ESRRG: variants seen among roughly 807,000 people sequenced by gnomAD.
ESRRG encodes the protein estrogen-related receptor gamma.
Under a neutral mutation model 44.0 loss-of-function variants are expected in ESRRG, and 13 were observed. That is an observed-to-expected ratio of 0.30 (90% CI 0.19 to 0.47). The LOEUF (loss-of-function observed/expected upper bound fraction) is 0.47, where lower values mean the gene tolerates loss of function less well. ESRRG is among the 20% of genes least tolerant of loss of function. The pLI, the probability that ESRRG is intolerant of heterozygous loss-of-function variation, is 1.00. For synonymous variants in ESRRG, 215 were observed against 214.6 expected, an observed-to-expected ratio of 1.00 and a Z score of -0.02; for missense variants, 395 against 580.6, an observed-to-expected ratio of 0.68 and a Z score of 3.29.
At chr1:217,072,145 G>C (rs2090641163) in intron 1 of ESRRG, among the ~76,000 whole-genome samples, 1 of 152,154 alleles carries the variant, frequency 6.6e-6, no homozygotes, top group African/African-American at 2.4e-5. Context: ...CTAAAGCTCT[G>C]GAATTACTCA....
At chr1:216,543,740 C>T (rs979236523) in intron 5 of ESRRG, among the ~76,000 whole-genome samples, 5 of 151,996 alleles carry the variant, frequency 3.3e-5, no homozygotes, top group African/African-American at 1.2e-4. Context: ...CAGTATTCTA[C>T]ACTTTGCAGG....
chr1:216,852,647 G>A lies in ESRRG; in HGVS notation c.-14+86935C>T, dbSNP rs944207220. ...TATATGTTAAGTTTCACTGAATTTTGAATAAAATTTGATTTATAGGATGCT... is the reference window on the plus strand; with the variant it reads ...TATATGTTAAGTTTCACTGAATTTTAAATAAAATTTGATTTATAGGATGCT... On this transcript the variant is annotated intron_variant, in intron 2 of 7. Transcript: ENST00000359162. 2.6e-5 allele frequency among the ~76,000 whole-genome samples: 4 copies of A among 152,116 alleles called. No individual in the cohort carries two copies. In the South Asian group the frequency reaches 8.3e-4, roughly 31 times the overall value.
At chr1:217,034,617 T>A (rs778002669) in intron 1 of ESRRG, among the ~76,000 whole-genome samples, 6 of 152,160 alleles carry the variant, frequency 3.9e-5, no homozygotes, top group South Asian at 2.1e-4. Flanking sequence ...CTGCTTCCCA[T>A]GAGACAAAAG....
At chr1:216,667,359 G>A (rs1575026081) in intron 2 of ESRRG, among the ~76,000 whole-genome samples, 1 of 152,054 alleles carries the variant, frequency 6.6e-6, no homozygotes, top group East Asian at 1.9e-4. Flanking sequence ...TATGTAACAG[G>A]TACTTTATAA....
chr1:216,681,573 C>T (rs946463), intron 1 of ESRRG, among the ~76,000 whole-genome samples: 151,221 of 152,288 alleles, frequency 0.99, 75,086 homozygotes, highest in Middle Eastern at 1. Context: ...GTTTGAGATA[C>T]AGCATCAAAT....
rs969445434 is a variant in ESRRG, at chr1:217,020,720, G to A, written c.-106+68787C>T. ...TATAAGGTGCTGTTGAAAAATCTAC[G>A]GATAAGCATCTTAAATCATGGTAAA... On this transcript the variant is annotated intron_variant, in intron 1 of 7. Transcript: ENST00000359162. Among the ~76,000 whole-genome samples, 66 of 152,192 alleles carry A rather than the reference G, an allele frequency of 4.3e-4. 1 individual carries two copies. The highest frequency in any genetic ancestry group is 6.8e-3 in the Middle Eastern group (2 of 292).
At chr1:216,798,282 C>A (rs941033133) in intron 2 of ESRRG, among the ~76,000 whole-genome samples, 1 of 152,074 alleles carries the variant, frequency 6.6e-6, no homozygotes, top group Non-Finnish European at 1.5e-5. Flanking sequence ...GTAATAGTGC[C>A]ATCCAATTTA....
At chr1:216,719,530 A>G (rs982805309) in intron 1 of ESRRG, among the ~76,000 whole-genome samples, 5 of 151,960 alleles carry the variant, frequency 3.3e-5, no homozygotes, top group African/African-American at 1.2e-4. Flanking sequence ...TTCTTTTTTC[A>G]CTTTAAAAAG....
chr1:216,986,598 A>T (rs2074915694), intron 1 of ESRRG, among the ~76,000 whole-genome samples: 1 of 151,238 alleles, frequency 6.6e-6, no homozygotes, highest in East Asian at 2.0e-4. Flanking sequence ...GTGGCGGGGC[A>T]TGGCTGTGGT....
At chr1:216,622,609 T>TATACACACAC (rs147309378) in intron 3 of ESRRG, among the ~76,000 whole-genome samples, 22,580 of 150,780 alleles carry the variant, frequency 0.15, 1,836 homozygotes, top group Middle Eastern at 0.25. Flanking sequence ...AAATGAAAAT[T>TATACACACAC]ACACACACGC....
chr1:216,692,473 T>C (rs1422512268), intron 1 of ESRRG, among the ~76,000 whole-genome samples: 4 of 152,204 alleles, frequency 2.6e-5, no homozygotes, highest in African/African-American at 7.2e-5. Flanking sequence ...CTAAGTGTTA[T>C]GATAAAAAGA....
Position 216,761,622 on chromosome 1 carries a change from A to G in ESRRG, c.-13-84131T>C, listed in dbSNP as rs1047428208. 3.3e-5 allele frequency among the ~76,000 whole-genome samples: 5 copies of G among 152,178 alleles called. No individual in the cohort carries two copies. In the East Asian group the frequency reaches 7.7e-4, roughly 24 times the overall value. On this transcript the variant is annotated intron_variant, in intron 2 of 7. Transcript: ENST00000359162. ...AAGAATACAACAATTAAAAACAGTA[A>G]TAACAGCAACAAGGCAATACTTTGA...
chr1:216,891,306 CG>C (rs557717115), intron 2 of ESRRG, among the ~76,000 whole-genome samples: 34 of 152,218 alleles, frequency 2.2e-4, no homozygotes, highest in African/African-American at 8.2e-4. Context: ...TTTAGTAAAA[CG>C]GTGAAGCTTA....
intron 1 of ESRRG, among the ~76,000 whole-genome samples, chr1:217,019,882 T>G (rs1169367367): frequency 6.6e-6 from 1 of 152,216 alleles, no homozygotes; most frequent in African/African-American, 2.4e-5. Context: ...TTCAAAAATC[T>G]CTTTCTACAT....
At chr1:216,891,776 C>T (rs895158464) in intron 2 of ESRRG, among the ~76,000 whole-genome samples, 11 of 147,562 alleles carry the variant, frequency 7.5e-5, no homozygotes, top group Admixed American at 3.4e-4. Context: ...AACAAATATA[C>T]TCTTAGTGTG....
Position 216,677,494 on chromosome 1 carries a change from G to A in ESRRG, c.57-3C>T, listed in dbSNP as rs771890343. On this transcript the variant is annotated splice_region_variant and splice_polypyrimidine_tract_variant and intron_variant, in intron 1 of 6. Coordinates refer to ENST00000408911, the MANE Select transcript of ESRRG (RefSeq NM_001438.4). ...TGTTTGACATTCTGCAGAGAAGCCT[G>A]AGATTGAGGAGATACAAAGAGAGAC... 1 of 1,593,740 alleles carries A rather than the reference G, an allele frequency of 6.3e-7. No individual in the cohort carries two copies. Among genetic ancestry groups the A allele is most frequent in the South Asian group, 1.1e-5 (1 of 87,832 alleles).
intron 1 of ESRRG, among the ~76,000 whole-genome samples, chr1:217,127,583 T>G (rs1158159526): frequency 6.6e-6 from 1 of 152,206 alleles, no homozygotes; most frequent in Non-Finnish European, 1.5e-5. Flanking sequence ...TATTTTATTC[T>G]AAGCAACATA....
chr1:216,953,396 G>A (rs1195339321), intron 1 of ESRRG, among the ~76,000 whole-genome samples: 1 of 152,074 alleles, frequency 6.6e-6, no homozygotes, highest in Admixed American at 6.6e-5. Context: ...GCCTTTCTTA[G>A]TAATGCAATA....
chr1:216,808,214 T>G (rs2094859889), intron 2 of ESRRG, among the ~76,000 whole-genome samples: 1 of 152,120 alleles, frequency 6.6e-6, no homozygotes, highest in Non-Finnish European at 1.5e-5. Flanking sequence ...TAAGAAAATG[T>G]AGAATTCTTG....
Sources: gnomAD v4.1 joint callset for allele counts (sites outside exome capture counted in the v4.1 genomes callset) on GRCh38, gnomAD v4.1.1 for gene constraint, MANE v1.5 for transcripts, NCBI Gene and HGNC (gene_info 2026-07-23, HGNC 2026-07-21) for gene names.